SPECC1: variants seen among roughly 807,000 people sequenced by gnomAD.
The protein encoded by SPECC1 is cytospin-B.
SPECC1 carries 62 observed loss-of-function variants against 104.1 expected under a neutral mutation model. The ratio of observed to expected loss-of-function variants is 0.60; its 90% CI spans 0.49 to 0.74. SPECC1 has a LOEUF of 0.74. SPECC1 is among the 30% of genes least tolerant of loss of function. The probability of loss-of-function intolerance (pLI) is 0.00; values close to 1 mark genes in which losing one functional copy is unlikely to be tolerated. For missense variants in SPECC1, 1,306 were observed against 1,310.5 expected, an observed-to-expected ratio of 1.00 and a Z score of 0.05; for synonymous variants, 513 against 501.6, an observed-to-expected ratio of 1.02 and a Z score of -0.30.
intron 3 of SPECC1, among the ~76,000 whole-genome samples, chr17:20,143,256 C>T (rs981506135): frequency 6.6e-6 from 1 of 150,974 alleles, no homozygotes; most frequent in Non-Finnish European, 1.5e-5. Context: ...CGTGGTGGTA[C>T]GTGCCTGTGG....
At chr17:20,033,000 T>C (rs985364289) in intron 1 of SPECC1, among the ~76,000 whole-genome samples, 13 of 151,814 alleles carry the variant, frequency 8.6e-5, no homozygotes, top group Admixed American at 6.6e-4. Context: ...AGTCTCACTT[T>C]GTTGCCCAGG....
chr17:20,134,681 G>T (rs1225666711), intron 3 of SPECC1, among the ~76,000 whole-genome samples: 1 of 152,092 alleles, frequency 6.6e-6, no homozygotes, highest in African/African-American at 2.4e-5. Flanking sequence ...CAACTCCTGG[G>T]TTCAAGCCAT....
intron 1 of SPECC1, among the ~76,000 whole-genome samples, chr17:20,027,761 C>CA (rs2044651979): frequency 6.6e-6 from 1 of 152,120 alleles, no homozygotes; most frequent in Non-Finnish European, 1.5e-5. Flanking sequence ...GTCTATGTGT[C>CA]TGTTTTTCTA....
intron 1 of SPECC1, among the ~76,000 whole-genome samples, chr17:20,015,236 A>G (rs2044072158): frequency 6.6e-6 from 1 of 151,312 alleles, no homozygotes; most frequent in Admixed American, 6.6e-5. Context: ...ATCTTGATTT[A>G]TCTTTCATGT....
At chr17:20,196,017 TA>T (rs2036010331) in intron 3 of SPECC1, among the ~76,000 whole-genome samples, 2 of 152,224 alleles carry the variant, frequency 1.3e-5, no homozygotes, top group South Asian at 4.1e-4. Flanking sequence ...AAAAACTGAA[TA>T]ATACCCCTTT....
intron 10 of SPECC1, 124 bp downstream of exon 10, chr17:20,253,710 C>T: frequency 1.1e-6 from 1 of 886,248 alleles, no homozygotes; most frequent in Non-Finnish European, 1.7e-6. Context: ...GTGATTTCAA[C>T]CCCGAATAAT....
intron 12 of SPECC1, among the ~76,000 whole-genome samples, chr17:20,267,491 T>C (rs569799620): frequency 2.0e-5 from 3 of 152,172 alleles, no homozygotes; most frequent in Non-Finnish European, 2.9e-5. Context: ...TCCTCCTCTT[T>C]ATATGACACA....
intron 1 of SPECC1, among the ~76,000 whole-genome samples, chr17:20,041,620 CTTTTTTTTTTTTT>C (rs35255510): frequency 2.0e-5 from 1 of 51,150 alleles, no homozygotes; most frequent in Non-Finnish European, 4.1e-5. Context: ...TTTGTTGAGG[CTTTTTTTTTTTTT>C]TTTTTTTTTT....
chr17:20,035,367 T>A (rs1273480893), intron 1 of SPECC1, among the ~76,000 whole-genome samples: 1 of 152,204 alleles, frequency 6.6e-6, no homozygotes, highest in Non-Finnish European at 1.5e-5. Context: ...TGTGTAATAA[T>A]TTGGATAAAA....
intron 1 of SPECC1, chr17:20,057,854 G>C (rs978312844): frequency 6.6e-6 from 1 of 152,122 alleles, no homozygotes; most frequent in Non-Finnish European, 1.5e-5. Context: ...GATTGCATTT[G>C]ATTCTGGAAA....
chr17:20,051,068 T>TTTTCTCTTTC (rs2045727083), intron 1 of SPECC1, among the ~76,000 whole-genome samples: 1 of 90,696 alleles, frequency 1.1e-5, no homozygotes, highest in Admixed American at 1.2e-4. Flanking sequence ...CTTTCTTTCT[T>TTTTCTCTTTC]TTTCTTTCTT....
intron 14 of SPECC1, among the ~76,000 whole-genome samples, chr17:20,307,913 G>A: frequency 6.6e-6 from 1 of 152,034 alleles, no homozygotes; most frequent in East Asian, 1.9e-4. Context: ...TACAGAAAAA[G>A]CAAAGACAGA....
chr17:20,208,398 T>G (rs917059903), intron 4 of SPECC1, among the ~76,000 whole-genome samples: 2 of 152,210 alleles, frequency 1.3e-5, no homozygotes, highest in Non-Finnish European at 2.9e-5. Flanking sequence ...CCCTTTTACA[T>G]TACTGTAGAA....
chr17:20,105,178 G>A (rs2048138297), intron 2 of SPECC1, among the ~76,000 whole-genome samples: 1 of 151,982 alleles, frequency 6.6e-6, no homozygotes, highest in Admixed American at 6.5e-5. Context: ...GCTCCCTGCA[G>A]CCTCGAACTC....
chr17:20,186,363 A>G (rs1247973804), intron 3 of SPECC1, among the ~76,000 whole-genome samples: 2 of 152,234 alleles, frequency 1.3e-5, no homozygotes, highest in Non-Finnish European at 2.9e-5. Flanking sequence ...AAATATTGCT[A>G]AAAAATGCTA....
In SPECC1 at chr17:20,205,628, C is replaced by T. The variant is rs373366721; in HGVS notation, c.1579C>T (p.Arg527Trp). 1.2e-5 allele frequency: 19 copies of T among 1,613,976 alleles called. No individual in the cohort carries two copies. The highest frequency in any genetic ancestry group is 4.5e-5 in the East Asian group (2 of 44,886). The change falls in exon 4 of 15, where the codon CGG becomes TGG. Residue 527 changes from arginine to tryptophan, a missense_variant. This residue lies in a region of SPECC1 where 1,177 missense variants were observed against 1,139.9 expected (regional missense o/e 1.03). Coordinates refer to ENST00000395527, the MANE Select transcript of SPECC1 (RefSeq NM_001243439.2). The part of the protein sequence containing the change: ...EKLNEFLELE[R>W]HNNNMMAKTL... Reference sequence around the variant, plus strand: ...ACTGAATGAGTTTCTAGAACTGGAACGGCATAATAATAACATGATGGCCAA... The same window carrying T: ...ACTGAATGAGTTTCTAGAACTGGAATGGCATAATAATAACATGATGGCCAA...
At chr17:20,156,575 C>A (rs555948573) in intron 3 of SPECC1, among the ~76,000 whole-genome samples, 1 of 152,120 alleles carries the variant, frequency 6.6e-6, no homozygotes, top group Non-Finnish European at 1.5e-5. Context: ...ACTTTCCGGG[C>A]GTTTGCGGGG....
intron 3 of SPECC1, among the ~76,000 whole-genome samples, chr17:20,199,949 C>T (rs1444708378): frequency 2.6e-5 from 4 of 152,068 alleles, no homozygotes; most frequent in East Asian, 1.9e-4. Flanking sequence ...GTGGCACCAC[C>T]GCCCGGCTAA....
chr17:20,034,007 A>G (rs533946873), intron 1 of SPECC1, among the ~76,000 whole-genome samples: 45 of 152,370 alleles, frequency 3.0e-4, no homozygotes, highest in African/African-American at 1.1e-3. Flanking sequence ...CTATTTAACA[A>G]TGCCATGGAG....
Sources: allele counts gnomAD v4.1 joint callset (sites outside exome capture counted in the v4.1 genomes callset), GRCh38; gene constraint gnomAD v4.1.1; regional missense constraint gnomAD v4.1.1; transcripts MANE v1.5; gene names NCBI Gene and HGNC (gene_info 2026-07-23, HGNC 2026-07-21).